The following SLC4A7 variants were observed in gnomAD, a reference collection of about 807,000 sequenced individuals.
The protein encoded by SLC4A7 is sodium bicarbonate cotransporter 3.
In SLC4A7, 51 loss-of-function variants were observed where a neutral mutation model predicts 137.6. The ratio of observed to expected loss-of-function variants is 0.37; its 90% CI spans 0.30 to 0.47. SLC4A7 has a LOEUF of 0.47. Ranked by LOEUF, SLC4A7 falls within the 20% of genes least tolerant of loss-of-function variation. SLC4A7 has a pLI of 1.00. For missense variants in SLC4A7, 1,247 were observed against 1,525.4 expected, an observed-to-expected ratio of 0.82 and a Z score of 3.04; for synonymous variants, 542 against 518.6, an observed-to-expected ratio of 1.05 and a Z score of -0.61.
intron 5 of SLC4A7, among the ~76,000 whole-genome samples, chr3:27,436,095 C>T (rs962033851): frequency 6.6e-6 from 1 of 152,296 alleles, no homozygotes. Context: ...AATTAATGTT[C>T]TCTGTGGCTA....
chr3:27,377,422 T>C (rs2050004679), intron 25 of SLC4A7, among the ~76,000 whole-genome samples: 1 of 152,156 alleles, frequency 6.6e-6, no homozygotes, highest in Admixed American at 6.5e-5. Context: ...GACAGAGTTT[T>C]GCTCTTGTTG....
At chr3:27,455,141 A>G (rs556400729) in intron 1 of SLC4A7, among the ~76,000 whole-genome samples, 14 of 152,164 alleles carry the variant, frequency 9.2e-5, no homozygotes, top group Non-Finnish European at 1.9e-4. Flanking sequence ...ATTGTTTCCA[A>G]TATTTAAAAA....
chr3:27,435,850 C>T (rs568314330), intron 5 of SLC4A7, among the ~76,000 whole-genome samples: 1 of 151,830 alleles, frequency 6.6e-6, no homozygotes, highest in Admixed American at 6.6e-5. Context: ...GTGATCCCCC[C>T]CTTAAAAAAA....
chr3:27,409,615 G>C (rs9828914), intron 12 of SLC4A7, 85 bp from the exon 13 acceptor site: 373,610 of 969,452 alleles, frequency 0.39, 76,415 homozygotes, highest in East Asian at 0.72. Context: ...ACACAAAACT[G>C]CTGGTGCCTA....
chr3:27,382,854 A>G (rs1032445241), intron 24 of SLC4A7, among the ~76,000 whole-genome samples: 1 of 152,196 alleles, frequency 6.6e-6, no homozygotes, highest in Non-Finnish European at 1.5e-5. Context: ...TCTCAGACTC[A>G]TGTACTGATT....
At chr3:27,442,664 G>A (rs910383302) in intron 3 of SLC4A7, among the ~76,000 whole-genome samples, 8 of 152,070 alleles carry the variant, frequency 5.3e-5, no homozygotes, top group Admixed American at 3.3e-4. Context: ...GCCCATCTTC[G>A]CCTCCCAAAG....
chr3:27,408,481 AGTT>A (rs2053596747), intron 13 of SLC4A7, among the ~76,000 whole-genome samples: 2 of 152,230 alleles, frequency 1.3e-5, no homozygotes, highest in African/African-American at 4.8e-5. Flanking sequence ...AGAAAATTTC[AGTT>A]GTTAGGTTTA....
intron 3 of SLC4A7, among the ~76,000 whole-genome samples, chr3:27,439,960 C>T (rs1453029705): frequency 1.3e-5 from 2 of 152,126 alleles, no homozygotes; most frequent in African/African-American, 4.8e-5. Flanking sequence ...TTGTTAAAGG[C>T]TTACTTTGAA....
intron 22 of SLC4A7, among the ~76,000 whole-genome samples, chr3:27,388,381 T>C (rs1326535481): frequency 2.6e-5 from 4 of 152,220 alleles, no homozygotes; most frequent in Admixed American, 6.5e-5. Context: ...AAAAATTGCA[T>C]AGGTTTCCAT....
intron 22 of SLC4A7, among the ~76,000 whole-genome samples, chr3:27,387,231 T>C (rs1297108563): frequency 6.6e-6 from 1 of 152,188 alleles, no homozygotes; most frequent in Non-Finnish European, 1.5e-5. Flanking sequence ...TAGTTATAAT[T>C]ATCATTATCT....
intron 7 of SLC4A7, chr3:27,424,448 T>A: frequency 4.5e-6 from 1 of 222,324 alleles, no homozygotes; most frequent in Non-Finnish European, 8.7e-6. Context: ...ATGGAAGACC[T>A]GAGTCTGATT....
chr3:27,474,527 T>C (rs999477153), intron 1 of SLC4A7, among the ~76,000 whole-genome samples: 6 of 151,964 alleles, frequency 3.9e-5, no homozygotes, highest in East Asian at 1.9e-4. Context: ...CTGGCCAACA[T>C]AGTGAAACCC....
At chr3:27,397,979 TCGCAACTAAC>T (rs1443507145) in intron 17 of SLC4A7, 182 bp from the exon 18 acceptor site, 4 of 612,056 alleles carry the variant, frequency 6.5e-6, no homozygotes, top group Non-Finnish European at 1.1e-5. Flanking sequence ...GAAACACATT[TCGCAACTAAC>T]CTAGCAACTC....
intron 22 of SLC4A7, among the ~76,000 whole-genome samples, chr3:27,389,724 A>G (rs1286160573): frequency 1.3e-5 from 2 of 152,174 alleles, no homozygotes; most frequent in Non-Finnish European, 2.9e-5. Context: ...AGGACTAAAA[A>G]GCAAAACAAA....
Position 27,452,536 on chromosome 3 carries a change from A to T in SLC4A7, c.61-38T>A, listed in dbSNP as rs199818376. 8.5e-6 allele frequency: 12 copies of T among 1,408,904 alleles called. No homozygotes were observed. In the East Asian group the frequency reaches 2.8e-4, roughly 32 times the overall value. 87.3% of individuals were successfully genotyped at this position (1,408,904 alleles called of 1,614,324 possible). On this transcript the variant is annotated intron_variant, in intron 1 of 25. Coordinates refer to ENST00000454389, the MANE Select transcript of SLC4A7 (RefSeq NM_001321103.2). The stretch of plus-strand genomic sequence containing the variant: ...TATTCTCATTGACTCATGAGATCAC[A>T]ATCTATTGAGGACCTATTATATGCA...
chr3:27,477,504 C>T (rs759397663), intron 1 of SLC4A7, among the ~76,000 whole-genome samples: 2 of 152,208 alleles, frequency 1.3e-5, no homozygotes, highest in Non-Finnish European at 2.9e-5. Context: ...TTCTGTTTCT[C>T]ATTAGGCTGG....
intron 13 of SLC4A7, among the ~76,000 whole-genome samples, chr3:27,406,093 G>A (rs145515467): frequency 6.6e-6 from 1 of 152,342 alleles, no homozygotes; most frequent in East Asian, 1.9e-4. Context: ...CAATCCTGCT[G>A]AAATGAGAGG....
In SLC4A7 at chr3:27,437,393, A is replaced by G. The variant is rs533619824; in HGVS notation, c.423T>C (p.Thr141=). ...RDGEEYEWKE[T]ARWLKFEEDV... is the part of the protein sequence containing the mutation. ...GAGAGACTTAGCAGTATTACCTAGC[A>G]GTTTCTTTCCATTCATATTCTTCTC... The change falls in exon 4 of 26, where the codon ACT becomes ACC. Residue 141 remains threonine (T), a synonymous_variant. Coordinates refer to ENST00000454389, the MANE Select transcript of SLC4A7 (RefSeq NM_001321103.2). 3.4e-5 allele frequency: 53 copies of G among 1,571,934 alleles called. No individual in the cohort carries two copies. The East Asian group carries it at 1.2e-3, about 35-fold the overall frequency.
In SLC4A7 at chr3:27,420,730, T is replaced by C. The variant is rs1171959858; in HGVS notation, c.1482A>G (p.Gly494=). 3 of 1,613,564 alleles carry C rather than the reference T, an allele frequency of 1.9e-6. No individual in the cohort carries two copies. Residue 494 remains glycine (G), a synonymous_variant, in exon 10 of 26, where the codon GGA becomes GGG. Coordinates refer to ENST00000454389, the MANE Select transcript of SLC4A7 (RefSeq NM_001321103.2). ...CTGTCATGAGAGTGGCTATTGATCG[T>C]CCAATTTCATGGTACTGTGGTGCCT... ...AGKAPQYHEI[G]RSIATLMTDE...
Sources: gnomAD v4.1 joint callset for allele counts (sites outside exome capture counted in the v4.1 genomes callset) on GRCh38, gnomAD v4.1.1 for gene constraint, MANE v1.5 for transcripts, NCBI Gene and HGNC (gene_info 2026-07-23, HGNC 2026-07-21) for gene names.